LANCL3: variants seen among roughly 807,000 people sequenced by gnomAD.
LANCL3 encodes the protein LanC like family member 3, also known as lanC-like protein 3.
In LANCL3, 19 loss-of-function variants were observed where a neutral mutation model predicts 26.5. That is an observed-to-expected ratio of 0.72 (90% CI 0.50 to 1.05). The LOEUF is 1.05. LANCL3 is among the 50% of genes least tolerant of loss of function. The pLI is 0.00. For synonymous variants in LANCL3, 160 were observed against 166.6 expected (o/e 0.96, Z 0.30); for missense variants, 318 against 362.7 (o/e 0.88, Z 1.00).
At chrX:37,602,789 T>C (rs1193109469) in intron 1 of LANCL3, among the ~76,000 whole-genome samples, 2 of 111,536 alleles carry the variant, frequency 1.8e-5, no homozygotes, top group Non-Finnish European at 3.8e-5. Context: ...TGATTTTTTT[T>C]CTCTTAATTA....
chrX:37,655,940 T>G, intron 2 of LANCL3, 129 bp downstream of exon 2: 1 of 555,581 alleles, frequency 1.8e-6, no homozygotes, highest in Non-Finnish European at 2.8e-6. Context: ...ACTTTAAAAT[T>G]TTCTTTAAAA....
intron 1 of LANCL3, among the ~76,000 whole-genome samples, chrX:37,600,209 T>A (rs1261286480): frequency 8.9e-6 from 1 of 112,128 alleles, no homozygotes; most frequent in East Asian, 2.8e-4. Context: ...TAACTTTTAT[T>A]ACAGTATATT....
rs1001780962 is a variant in LANCL3, at chrX:37,634,079, G to A, written c.574-21609G>A. Among the ~76,000 whole-genome samples, 26 of 112,769 alleles carry A rather than the reference G, an allele frequency of 2.3e-4. No homozygotes were observed. The East Asian group carries it at 7.0e-3, about 31-fold the overall frequency. ...GGCAGGCCTCCTTGAGCTGTGGTGG[G>A]CTCCACCCAGTTCGAGCTTCCGGGC... On this transcript the variant is annotated intron_variant, in intron 1 of 4. Transcript: ENST00000378619.
At chrX:37,633,170 T>G (rs1925587670) in intron 1 of LANCL3, among the ~76,000 whole-genome samples, 1 of 110,232 alleles carries the variant, frequency 9.1e-6, no homozygotes, top group Non-Finnish European at 1.9e-5. Flanking sequence ...TTTATTCTTT[T>G]TTCTCTAAAC....
At chrX:37,674,721 C>T (rs1398029677) in intron 4 of LANCL3, among the ~76,000 whole-genome samples, 3 of 110,651 alleles carry the variant, frequency 2.7e-5, no homozygotes, top group Non-Finnish European at 5.7e-5. Context: ...TTTAAGTTGC[C>T]GTATGTAATT....
chrX:37,602,089 TAGAG>T (rs1269729139), intron 1 of LANCL3, among the ~76,000 whole-genome samples: 4 of 111,567 alleles, frequency 3.6e-5, no homozygotes, highest in African/African-American at 1.3e-4. Context: ...GGAGTTTTGG[TAGAG>T]AGAAGAAGCA....
chrX:37,591,527 T>C (rs1924279474), intron 1 of LANCL3, among the ~76,000 whole-genome samples: 1 of 111,077 alleles, frequency 9.0e-6, no homozygotes, highest in African/African-American at 3.3e-5. Flanking sequence ...TAATATGGAA[T>C]TGTTGATTAA....
At chrX:37,586,586 A>G (rs1556418060) in intron 1 of LANCL3, among the ~76,000 whole-genome samples, 3 of 111,962 alleles carry the variant, frequency 2.7e-5, no homozygotes, top group African/African-American at 9.7e-5. Flanking sequence ...CCGTTGATCA[A>G]ATTGGCTACT....
At chrX:37,639,816 A>G (rs781889522) in intron 1 of LANCL3, among the ~76,000 whole-genome samples, 7 of 100,376 alleles carry the variant, frequency 7.0e-5, no homozygotes, top group Non-Finnish European at 1.0e-4. Context: ...CTAGATTGAG[A>G]TCTCTGTTTG....
chrX:37,583,027 C>G (rs1330888007), intron 1 of LANCL3, among the ~76,000 whole-genome samples: 1 of 111,874 alleles, frequency 8.9e-6, no homozygotes, highest in Non-Finnish European at 1.9e-5. Context: ...TTTCACCTTT[C>G]TACATATGGC....
intron 1 of LANCL3, among the ~76,000 whole-genome samples, chrX:37,581,868 G>A (rs1346317144): frequency 9.0e-6 from 1 of 110,911 alleles, no homozygotes; most frequent in African/African-American, 3.3e-5. Flanking sequence ...TGCCATGTTG[G>A]TGTGCTGCAC....
Position 37,661,014 on chromosome X carries a change from G to T in LANCL3, c.895+1355G>T, listed in dbSNP as rs782641102. On this transcript the variant is annotated intron_variant, in intron 3 of 4. Coordinates refer to ENST00000378619, the MANE Select transcript of LANCL3 (RefSeq NM_001170331.2). ...TTTGACCTTTTTTGTGGGCGGGGGG[G>T]GAACAAGTTATTTACCATGCTGGAA... is the stretch of plus-strand genomic sequence containing the variant. 1.7e-3 allele frequency among the ~76,000 whole-genome samples: 185 copies of T among 106,859 alleles called. 3 individuals are homozygous for T. The highest frequency in any genetic ancestry group is 4.7e-3 in the Middle Eastern group (1 of 212). The allele number at this position is 106,859 out of a possible 115,157, so 92.8% of individuals were successfully genotyped here.
intron 1 of LANCL3, among the ~76,000 whole-genome samples, chrX:37,641,274 C>CAT (rs1234527132): frequency 8.2e-4 from 89 of 107,907 alleles, no homozygotes; most frequent in East Asian, 4.9e-3. Context: ...CATTTTATTT[C>CAT]ATATATATAT....
At chrX:37,594,362 A>G (rs1325601957) in intron 1 of LANCL3, among the ~76,000 whole-genome samples, 8 of 112,227 alleles carry the variant, frequency 7.1e-5, no homozygotes, top group African/African-American at 2.6e-4. Flanking sequence ...TACCACATTC[A>G]TTTTCAGAAT....
intron 1 of LANCL3, among the ~76,000 whole-genome samples, chrX:37,605,743 A>G (rs933914467): frequency 1.8e-5 from 2 of 110,924 alleles, no homozygotes; most frequent in East Asian, 5.7e-4. Flanking sequence ...TCAGGTATTC[A>G]ATACAATGAC....
intron 2 of LANCL3, among the ~76,000 whole-genome samples, chrX:37,659,181 C>G (rs1556431949): frequency 8.9e-6 from 1 of 112,590 alleles, no homozygotes; most frequent in African/African-American, 3.2e-5. Flanking sequence ...AAATACAACA[C>G]TGCTGTTGTA....
At chrX:37,586,442 C>T (rs1182189660) in intron 1 of LANCL3, among the ~76,000 whole-genome samples, 1 of 111,896 alleles carries the variant, frequency 8.9e-6, no homozygotes, top group Non-Finnish European at 1.9e-5. Context: ...ACTAATCAGA[C>T]GTACATTTGG....
intron 1 of LANCL3, among the ~76,000 whole-genome samples, chrX:37,634,101 G>T (rs782747794): frequency 8.9e-6 from 1 of 112,622 alleles, no homozygotes; most frequent in Admixed American, 9.3e-5. Flanking sequence ...TCGAGCTTCC[G>T]GGCTCCTTTG....
At chrX:37,598,238 T>A (rs900682215) in intron 1 of LANCL3, among the ~76,000 whole-genome samples, 3 of 111,912 alleles carry the variant, frequency 2.7e-5, no homozygotes, top group Non-Finnish European at 3.8e-5. Context: ...GAAGACTTTG[T>A]CTAAATTGAA....
Sources: allele counts gnomAD v4.1 joint callset (sites outside exome capture counted in the v4.1 genomes callset), GRCh38; gene constraint gnomAD v4.1.1; transcripts MANE v1.5; gene names NCBI Gene and HGNC (gene_info 2026-07-23, HGNC 2026-07-21).